TAFA5: variants seen among roughly 807,000 people sequenced by gnomAD.
TAFA5 encodes TAFA chemokine like family member 5.
TAFA5 carries 6 observed loss-of-function variants against 15.3 expected under a neutral mutation model. The ratio of observed to expected loss-of-function variants is 0.39; its 90% confidence interval spans 0.21 to 0.77. TAFA5 has a LOEUF of 0.77. Ranked by LOEUF, TAFA5 falls within the 30% of genes least tolerant of loss-of-function variation. The pLI, the probability that TAFA5 is intolerant of heterozygous loss-of-function variation, is 0.41. For missense variants in TAFA5, 161 were observed against 193.1 expected (o/e 0.83, Z 0.98); for synonymous variants, 103 against 80.7 (o/e 1.28, Z -1.48).
chr22:48,726,016 C>G (rs900223735), intron 3 of TAFA5, among the ~76,000 whole-genome samples: 1 of 152,176 alleles, frequency 6.6e-6, no homozygotes, highest in Non-Finnish European at 1.5e-5. Flanking sequence ...CTTGTGATAA[C>G]CATCCAGGGA....
At position 48,507,028 on chromosome 22, in the gene TAFA5, A is replaced by G. The variant is rs534363383; in HGVS notation, c.112+17324A>G. On this transcript the variant is annotated intron_variant, in intron 1 of 3. Transcript: ENST00000402357. ...CCCCGTGGCTGAGCCTTGCCGAGCA[A>G]GGGGACAGCCGCCAAGAGCCAGGTG... Among the ~76,000 whole-genome samples, 4 of 152,306 alleles carry G rather than the reference A, an allele frequency of 2.6e-5. No individual in the cohort carries two copies. In the East Asian group the frequency reaches 5.8e-4, roughly 22 times the overall value.
intron 1 of TAFA5, among the ~76,000 whole-genome samples, chr22:48,643,062 C>CCCATCCCTG (rs1926739944): frequency 1.3e-5 from 2 of 152,306 alleles, no homozygotes; most frequent in Admixed American, 1.3e-4. Context: ...CCTGGCAGAG[C>CCCATCCCTG]CCATCCCTGC....
At chr22:48,614,529 C>A (rs1925527111) in intron 1 of TAFA5, among the ~76,000 whole-genome samples, 1 of 152,174 alleles carries the variant, frequency 6.6e-6, no homozygotes, top group South Asian at 2.1e-4. Context: ...GCAGGAGGAC[C>A]CCGGGCAGGA....
intron 3 of TAFA5, among the ~76,000 whole-genome samples, chr22:48,745,549 G>A (rs12169553): frequency 0.064 from 9,731 of 151,572 alleles, 392 homozygotes; most frequent in Admixed American, 0.095. Flanking sequence ...TGGCCTGTCC[G>A]GGGTTCACCC....
intron 2 of TAFA5, among the ~76,000 whole-genome samples, chr22:48,671,223 G>A (rs1240109575): frequency 1.3e-5 from 2 of 152,176 alleles, no homozygotes; most frequent in Non-Finnish European, 2.9e-5. Flanking sequence ...GCCATTCGGG[G>A]AAACAGCCAG....
chr22:48,602,540 T>C (rs1310493056), intron 1 of TAFA5, among the ~76,000 whole-genome samples: 1 of 152,228 alleles, frequency 6.6e-6, no homozygotes, highest in African/African-American at 2.4e-5. Context: ...GTTTCTCTTC[T>C]TGGCCCATTT....
chr22:48,569,223 G>A (rs975273412), intron 1 of TAFA5, among the ~76,000 whole-genome samples: 12 of 152,214 alleles, frequency 7.9e-5, no homozygotes, highest in Non-Finnish European at 1.6e-4. Flanking sequence ...CGGGGAGGAC[G>A]ATGGATGCAG....
intron 1 of TAFA5, among the ~76,000 whole-genome samples, chr22:48,637,315 T>C (rs1403444493): frequency 8.2e-6 from 1 of 122,508 alleles, no homozygotes. Flanking sequence ...CATGGTGGCA[T>C]GTGCACACAT....
At chr22:48,625,318 G>A (rs1017757059) in intron 1 of TAFA5, among the ~76,000 whole-genome samples, 1 of 152,144 alleles carries the variant, frequency 6.6e-6, no homozygotes, top group African/African-American at 2.4e-5. Context: ...GAGGTTAAAG[G>A]GGAGTTCACT....
chr22:48,618,887 G>T (rs28583744), intron 1 of TAFA5, among the ~76,000 whole-genome samples: 3 of 152,104 alleles, frequency 2.0e-5, no homozygotes, highest in African/African-American at 7.2e-5. Flanking sequence ...GGCCCCCCTC[G>T]CCTGCACAGA....
chr22:48,515,747 A>G (rs1320244231), intron 1 of TAFA5, among the ~76,000 whole-genome samples: 1 of 152,158 alleles, frequency 6.6e-6, no homozygotes, highest in East Asian at 1.9e-4. Flanking sequence ...GCACCGCCCC[A>G]GAGGAAGGGA....
intron 1 of TAFA5, among the ~76,000 whole-genome samples, chr22:48,592,060 G>T (rs935471399): frequency 6.6e-6 from 1 of 152,108 alleles, no homozygotes; most frequent in African/African-American, 2.4e-5. Flanking sequence ...GAGGCGGGGG[G>T]TCCCTTGCAG....
At chr22:48,635,248 C>T (rs904455241) in intron 1 of TAFA5, among the ~76,000 whole-genome samples, 3 of 152,330 alleles carry the variant, frequency 2.0e-5, no homozygotes, top group South Asian at 2.1e-4. Flanking sequence ...GACGTGTGCT[C>T]GGGCAGCACA....
intron 1 of TAFA5, among the ~76,000 whole-genome samples, chr22:48,634,573 T>G (rs1476216741): frequency 6.6e-6 from 1 of 152,142 alleles, no homozygotes; most frequent in Non-Finnish European, 1.5e-5. Context: ...ATTTACTCAG[T>G]CACTGATTCA....
intron 1 of TAFA5, among the ~76,000 whole-genome samples, chr22:48,645,825 C>T (rs1473259501): frequency 6.6e-6 from 1 of 152,134 alleles, no homozygotes; most frequent in African/African-American, 2.4e-5. Context: ...GACCCCTGGC[C>T]TTAGTGTGCT....
In TAFA5 at chr22:48,679,121, T is replaced by TGC. The variant is rs1928086353; in HGVS notation, c.263-28595_263-28594insCG. Among the ~76,000 whole-genome samples the TGC allele has an allele frequency of 1.5e-3, 4 of 2,654 alleles. 1 individual carries two copies. The highest frequency in any genetic ancestry group is 0.014 in the Admixed American group (2 of 148). 1.7% of individuals were successfully genotyped at this position (2,654 alleles called of 152,430 possible). A position where few individuals can be genotyped will look rare whatever the true frequency, so the allele number is the denominator to read the frequency against. ...CCTGTCCATCCCTCTCCCGGCTCCC[T>TGC]GTCCATCCCTCTCCCGGCTCCCTGT... On this transcript the variant is annotated intron_variant, in intron 2 of 3. Coordinates refer to ENST00000402357, the MANE Select transcript of TAFA5 (RefSeq NM_001082967.3).
chr22:48,673,080 A>T lies in TAFA5; in HGVS notation c.262+26334A>T, dbSNP rs568203976. Reference sequence around the variant, plus strand: ...CCAAATCTCCAGCTTCTTCTTTTACATACTTGTCTCCTTTTCATCTGGGGC... The same window carrying T: ...CCAAATCTCCAGCTTCTTCTTTTACTTACTTGTCTCCTTTTCATCTGGGGC... On this transcript the variant is annotated intron_variant, in intron 2 of 3. Coordinates refer to ENST00000402357, the MANE Select transcript of TAFA5 (RefSeq NM_001082967.3). 1.4e-4 allele frequency among the ~76,000 whole-genome samples: 21 copies of T among 152,238 alleles called. No individual in the cohort carries two copies. In the South Asian group the frequency reaches 3.9e-3, roughly 29 times the overall value.
chr22:48,632,321 C>G (rs1926260929), intron 1 of TAFA5, among the ~76,000 whole-genome samples: 1 of 152,160 alleles, frequency 6.6e-6, no homozygotes, highest in Non-Finnish European at 1.5e-5. Context: ...TGATTTTACA[C>G]AGTGAGAAAC....
At chr22:48,631,087 A>G (rs1438371417) in intron 1 of TAFA5, among the ~76,000 whole-genome samples, 1 of 152,136 alleles carries the variant, frequency 6.6e-6, no homozygotes, top group African/African-American at 2.4e-5. Flanking sequence ...CTAAGGACGG[A>G]CCTCCTGGGC....
Sources: allele counts gnomAD v4.1 joint callset (sites outside exome capture counted in the v4.1 genomes callset), GRCh38; gene constraint gnomAD v4.1.1; transcripts MANE v1.5; gene names NCBI Gene and HGNC (gene_info 2026-07-23, HGNC 2026-07-21).